Variants in HPSE2 observed in about 807,000 individuals in gnomAD.
The protein encoded by HPSE2 is heparanase 2 (inactive).
A neutral mutation model predicts 60.5 loss-of-function variants in HPSE2; 38 were observed. The ratio of observed to expected loss-of-function variants is 0.63; its 90% CI spans 0.48 to 0.82. The LOEUF (loss-of-function observed/expected upper bound fraction) is 0.82, where lower values mean the gene tolerates loss of function less well. Ranked by LOEUF, HPSE2 falls within the 40% of genes least tolerant of loss-of-function variation. The probability of loss-of-function intolerance (pLI) is 0.00; values close to 1 mark genes in which losing one functional copy is unlikely to be tolerated. For synonymous variants in HPSE2, 295 were observed against 293.2 expected (o/e 1.01, Z -0.06); for missense variants, 713 against 740.4 (o/e 0.96, Z 0.43).
chr10:99,253,335 C>G, the HPSE2 span, among the ~76,000 whole-genome samples: 1 of 152,092 alleles, frequency 6.6e-6, no homozygotes, highest in Non-Finnish European at 1.5e-5. Context: ...AGCTGCACAC[C>G]TACAGCCATC....
intron 9 of HPSE2, among the ~76,000 whole-genome samples, chr10:98,536,386 G>A (rs1943283597): frequency 6.6e-6 from 1 of 152,178 alleles, no homozygotes; most frequent in Non-Finnish European, 1.5e-5. Flanking sequence ...AATGAAGCAG[G>A]GCAGGTGGAA....
chr10:98,862,672 T>C (rs1362211456), intron 3 of HPSE2, among the ~76,000 whole-genome samples: 1 of 152,142 alleles, frequency 6.6e-6, no homozygotes, highest in East Asian at 1.9e-4. Context: ...GAATTGTACA[T>C]GAAGCCCCAA....
At chr10:99,003,004 G>A (rs1003918142) in intron 3 of HPSE2, among the ~76,000 whole-genome samples, 1 of 151,782 alleles carries the variant, frequency 6.6e-6, no homozygotes, top group African/African-American at 2.4e-5. Context: ...TGTATTCTTT[G>A]ACCAACATCT....
intron 7 of HPSE2, among the ~76,000 whole-genome samples, chr10:98,621,171 G>A (rs189888494): frequency 9.2e-5 from 14 of 152,202 alleles, no homozygotes; most frequent in African/African-American, 4.8e-5. Context: ...GAGAATGCTC[G>A]TGGGAGATTT....
the HPSE2 span, among the ~76,000 whole-genome samples, chr10:99,253,995 T>C: frequency 6.6e-6 from 1 of 152,218 alleles, no homozygotes; most frequent in East Asian, 1.9e-4. Context: ...TCAGCCACTA[T>C]GGAAAGCTAT....
intron 9 of HPSE2, among the ~76,000 whole-genome samples, chr10:98,547,980 T>A (rs1453764589): frequency 1.3e-5 from 2 of 152,090 alleles, no homozygotes; most frequent in Non-Finnish European, 2.9e-5. Context: ...ATAATTCAAT[T>A]TAAATACATA....
chr10:98,635,179 G>A (rs1039424788), intron 7 of HPSE2, among the ~76,000 whole-genome samples: 5 of 152,132 alleles, frequency 3.3e-5, no homozygotes, highest in African/African-American at 9.7e-5. Context: ...GGAAGGAAGG[G>A]AAGAAAGAAG....
intron 3 of HPSE2, among the ~76,000 whole-genome samples, chr10:98,757,022 T>C (rs1310686326): frequency 6.6e-6 from 1 of 152,184 alleles, no homozygotes; most frequent in East Asian, 1.9e-4. Flanking sequence ...CAACATTGCA[T>C]ATTAATACTC....
chr10:99,153,287 C>T (rs1428039988), intron 2 of HPSE2, among the ~76,000 whole-genome samples: 126 of 152,204 alleles, frequency 8.3e-4, no homozygotes, highest in Admixed American at 8.2e-3. Context: ...ATAGGCTCCA[C>T]CTCTGGGGGC....
intron 3 of HPSE2, among the ~76,000 whole-genome samples, chr10:99,007,374 C>T (rs1956918483): frequency 6.6e-6 from 1 of 152,168 alleles, no homozygotes; most frequent in East Asian, 1.9e-4. Flanking sequence ...TATCTATCTC[C>T]ACACTTTGCT....
At chr10:99,093,882 CT>C (rs1201656025) in intron 3 of HPSE2, among the ~76,000 whole-genome samples, 1 of 151,886 alleles carries the variant, frequency 6.6e-6, no homozygotes, top group East Asian at 1.9e-4. Flanking sequence ...TAGATAATCA[CT>C]TTTATTTGCT....
chr10:99,035,481 G>A (rs1312222418), intron 3 of HPSE2, among the ~76,000 whole-genome samples: 1 of 152,120 alleles, frequency 6.6e-6, no homozygotes, highest in East Asian at 1.9e-4. Flanking sequence ...GCCTGAGGCT[G>A]TTTTACACTT....
chr10:99,061,923 G>T (rs1481972650), intron 3 of HPSE2, among the ~76,000 whole-genome samples: 20 of 152,114 alleles, frequency 1.3e-4, no homozygotes, highest in Admixed American at 1.3e-3. Flanking sequence ...CCCATGGATG[G>T]GAATGGGACA....
intron 9 of HPSE2, among the ~76,000 whole-genome samples, chr10:98,566,108 C>T (rs1158177809): frequency 6.6e-6 from 1 of 152,194 alleles, no homozygotes; most frequent in African/African-American, 2.4e-5. Context: ...TACTTCAGAA[C>T]ACTTCAAATG....
intron 11 of HPSE2, among the ~76,000 whole-genome samples, chr10:98,460,993 A>G (rs912064928): frequency 6.6e-6 from 1 of 152,260 alleles, no homozygotes; most frequent in Non-Finnish European, 1.5e-5. Flanking sequence ...CAGAAAATCA[A>G]CATTGCATAG....
intron 2 of HPSE2, among the ~76,000 whole-genome samples, chr10:99,209,308 G>T (rs1444912395): frequency 2.0e-5 from 3 of 152,042 alleles, no homozygotes; most frequent in African/African-American, 4.8e-5. Context: ...AACCACAATA[G>T]TATAAAACTA....
chr10:98,742,726 T>A (rs1489778248), intron 4 of HPSE2, among the ~76,000 whole-genome samples: 1 of 151,484 alleles, frequency 6.6e-6, no homozygotes, highest in East Asian at 2.0e-4. Flanking sequence ...CCAAATTGTG[T>A]TCCATGGAGT....
chr10:98,816,693 C>T (rs565927234), intron 3 of HPSE2, among the ~76,000 whole-genome samples: 1 of 152,188 alleles, frequency 6.6e-6, no homozygotes, highest in Admixed American at 6.5e-5. Flanking sequence ...AGGATTTCTG[C>T]CCAGCCAATG....
chr10:98,715,668 A>G (rs1485767527), intron 5 of HPSE2, among the ~76,000 whole-genome samples: 2 of 152,092 alleles, frequency 1.3e-5, no homozygotes, highest in African/African-American at 4.8e-5. Context: ...ACCATAGTCT[A>G]TTAAGTATGC....
Sources: gnomAD v4.1 joint callset for allele counts (sites outside exome capture counted in the v4.1 genomes callset) on GRCh38, gnomAD v4.1.1 for gene constraint, MANE v1.5 for transcripts, NCBI Gene and HGNC (gene_info 2026-07-23, HGNC 2026-07-21) for gene names.